ZNF559: variants seen among roughly 807,000 people sequenced by gnomAD.
ZNF559 encodes the protein putative protein product of Nbla00121.
A neutral mutation model predicts 14.2 loss-of-function variants in ZNF559; 17 were observed. The ratio of observed to expected loss-of-function variants is 1.20; its 90% confidence interval spans 0.82 to 1.80. The LOEUF (loss-of-function observed/expected upper bound fraction) is 1.80, where lower values mean the gene tolerates loss of function less well. Among genes scored for constraint, ZNF559 ranks in the 40% most tolerant of loss-of-function variants. The probability of loss-of-function intolerance (pLI) is 0.00; values close to 1 mark genes in which losing one functional copy is unlikely to be tolerated. For missense variants in ZNF559, 740 were observed against 629.7 expected, an observed-to-expected ratio of 1.18 and a Z score of -1.88; for synonymous variants, 244 against 212.4, an observed-to-expected ratio of 1.15 and a Z score of -1.29.
At position 9,343,130 on chromosome 19, in the gene ZNF559, T is replaced by C. The variant is rs2067655741; in HGVS notation, c.*62T>C. 1 of 1,548,684 alleles carries C rather than the reference T, an allele frequency of 6.5e-7. No individual in the cohort carries two copies. The highest frequency in any genetic ancestry group is 1.2e-5 in the South Asian group (1 of 80,310). ...ACTACTTCCTCACACTTACTGAACATGTACTCATTCATAGTGGCAATGTAC... is the reference window on the plus strand; with the variant it reads ...ACTACTTCCTCACACTTACTGAACACGTACTCATTCATAGTGGCAATGTAC... On this transcript the variant is annotated 3_prime_UTR_variant, in exon 7 of 7. Transcript: ENST00000603380.
In ZNF559 at chr19:9,343,141, A is replaced by G; in HGVS notation, c.*73A>G. 5.9e-6 allele frequency: 9 copies of G among 1,537,766 alleles called. No individual in the cohort carries two copies. Among genetic ancestry groups the G allele is most frequent in the Non-Finnish European group, 7.8e-6 (9 of 1,149,752 alleles). On this transcript the variant is annotated 3_prime_UTR_variant, in exon 7 of 7. Coordinates refer to ENST00000603380, the MANE Select transcript of ZNF559 (RefSeq NM_032497.3). ...ACACTTACTGAACATGTACTCATTCATAGTGGCAATGTACACAGTCATAAG... is the reference window on the plus strand; with the variant it reads ...ACACTTACTGAACATGTACTCATTCGTAGTGGCAATGTACACAGTCATAAG...
intron 2 of ZNF559, among the ~76,000 whole-genome samples, chr19:9,328,541 C>T (rs950159837): frequency 2.6e-5 from 4 of 151,508 alleles, no homozygotes; most frequent in African/African-American, 4.9e-5. Context: ...TTAGTAGAGA[C>T]GAGCTTTCAT....
chr19:9,335,689 C>T (rs1300137127), intron 2 of ZNF559, among the ~76,000 whole-genome samples: 1 of 152,124 alleles, frequency 6.6e-6, no homozygotes, highest in Non-Finnish European at 1.5e-5. Flanking sequence ...CACGTACCAC[C>T]ACACCTGGCT....
At chr19:9,332,002 AGAT>A (rs1377588361) in intron 2 of ZNF559, among the ~76,000 whole-genome samples, 3 of 152,226 alleles carry the variant, frequency 2.0e-5, no homozygotes, top group Non-Finnish European at 4.4e-5. Context: ...AAAATCACTT[AGAT>A]GAGTTATTTT....
intron 2 of ZNF559, among the ~76,000 whole-genome samples, chr19:9,334,956 A>T (rs763920080): frequency 6.6e-6 from 1 of 151,968 alleles, no homozygotes; most frequent in Non-Finnish European, 1.5e-5. Context: ...AGCATGGTGA[A>T]ACCCCTTCTC....
Position 9,342,243 on chromosome 19 carries a change from TA to T in ZNF559, c.793del (p.Arg265GlufsTer5). The T allele has an allele frequency of 6.3e-7, 1 of 1,586,814 alleles. No homozygotes were observed. The highest frequency in any genetic ancestry group is 1.2e-5 in the South Asian group (1 of 85,626). On this transcript the variant is annotated frameshift_variant, in exon 7 of 7. Transcript: ENST00000603380. LOFTEE classifies it low-confidence loss of function (END_TRUNC). ...YLTQHLRTHS[R>X]VLPIEHKKFG... Reference sequence around the variant, plus strand: ...TTACTCAACATTTAAGAACTCATAGTAGAGTGTTACCTATAGAACATAAGAA... The same window carrying T: ...TTACTCAACATTTAAGAACTCATAGTGAGTGTTACCTATAGAACATAAGAA...
chr19:9,331,687 C>T lies in ZNF559; in HGVS notation c.-119-6109C>T, dbSNP rs73506727. On this transcript the variant is annotated intron_variant, in intron 2 of 6. Transcript: ENST00000603380. ...TCTTACTGGTATAAATGCAACTGTT[C>T]TCAGTTTGTGCTCCTCTAGGGTTGC... Among the ~76,000 whole-genome samples, 194 of 152,272 alleles carry T rather than the reference C, an allele frequency of 1.3e-3. 1 individual carries two copies. Among genetic ancestry groups the T allele is most frequent in the African/African-American group, 4.4e-3 (182 of 41,542 alleles).
intron 2 of ZNF559, among the ~76,000 whole-genome samples, chr19:9,326,962 C>T (rs2066640707): frequency 6.6e-6 from 1 of 151,992 alleles, no homozygotes; most frequent in Non-Finnish European, 1.5e-5. Flanking sequence ...AATTCATTTC[C>T]TCAGTTGCAC....
chr19:9,337,291 A>G (rs1406477392), intron 2 of ZNF559, among the ~76,000 whole-genome samples: 1 of 152,216 alleles, frequency 6.6e-6, no homozygotes, highest in Admixed American at 6.5e-5. Flanking sequence ...AGCATACACA[A>G]TCTGGTCACA....
At chr19:9,341,557 A>C in intron 6 of ZNF559, 138 bp from the exon 7 acceptor site, 1 of 1,463,956 alleles carries the variant, frequency 6.8e-7, no homozygotes, top group South Asian at 1.2e-5. Flanking sequence ...CATGCCTTGC[A>C]ATGAAAATGG....
At chr19:9,332,333 G>A (rs2066979692) in intron 2 of ZNF559, among the ~76,000 whole-genome samples, 1 of 136,368 alleles carries the variant, frequency 7.3e-6, no homozygotes, top group South Asian at 2.5e-4. Context: ...ATATATAGAG[G>A]TATACATATG....
chr19:9,330,913 TTC>T (rs1216986730), intron 2 of ZNF559, among the ~76,000 whole-genome samples: 2 of 152,232 alleles, frequency 1.3e-5, no homozygotes, highest in Admixed American at 6.5e-5. Flanking sequence ...TAGTAGGTAT[TTC>T]TCTCAGTCTT....
chr19:9,324,126 G>GC, upstream of ZNF559: 1 of 1,528,696 alleles, frequency 6.5e-7, no homozygotes. Context: ...CCGAGGCCCC[G>GC]CCCCCTAGGT....
chr19:9,342,846 T>G lies in ZNF559; in HGVS notation c.1395T>G (p.Tyr465Ter), dbSNP rs80240525. Reference protein sequence around the residue: ...HKRIHTGERPYKCQKCGQAFS... With the variant: ...HKRIHTGERP ...GAATACATACAGGGGAGAGGCCATA[T>G]AAATGTCAAAAGTGTGGGCAAGCCT... Residue 465 changes from tyrosine (Y) to a stop codon, truncating the protein, a stop_gained, in exon 7 of 7, where the codon TAT becomes TAG. Transcript: ENST00000603380. LOFTEE classifies it low-confidence loss of function (END_TRUNC). 6 of 1,614,000 alleles carry G rather than the reference T, an allele frequency of 3.7e-6. No individual in the cohort carries two copies. The South Asian group carries it at 5.5e-5, about 15-fold the overall frequency.
In ZNF559 at chr19:9,343,605, C is replaced by T. The variant is rs966923437; in HGVS notation, c.*537C>T. 6.1e-6 allele frequency: 6 copies of T among 990,852 alleles called. No individual in the cohort carries two copies. The African/African-American group carries it at 7.0e-5, about 12-fold the overall frequency. The allele number at this position is 990,852 out of a possible 1,614,324, so 61.4% of individuals were successfully genotyped here. On this transcript the variant is annotated 3_prime_UTR_variant, in exon 7 of 7. Coordinates refer to ENST00000603380, the MANE Select transcript of ZNF559 (RefSeq NM_032497.3). The stretch of plus-strand genomic sequence containing the variant: ...TTGTTTTTAGCTTCCACTTTGGGAA[C>T]ATGTCAAAGCACACATTGAGAAGTC...
Position 9,341,069 on chromosome 19 carries a change from T to A in ZNF559, c.161-33T>A, listed in dbSNP as rs747965933. 18 of 1,539,794 alleles carry A rather than the reference T, an allele frequency of 1.2e-5. No homozygotes were observed. In the South Asian group the frequency reaches 2.1e-4, roughly 18 times the overall value. ...ACCCTTTTTAAAATCATTATTTCTCTAAGAACTTAAAATTTTTTTCATCTT... is the reference window on the plus strand; with the variant it reads ...ACCCTTTTTAAAATCATTATTTCTCAAAGAACTTAAAATTTTTTTCATCTT... On this transcript the variant is annotated intron_variant, in intron 5 of 6. Coordinates refer to ENST00000603380, the MANE Select transcript of ZNF559 (RefSeq NM_032497.3).
rs555454017 is a variant in ZNF559 at position 9,325,173 on chromosome 19, G to C, written c.-120+393G>C. ...GAAAGTCTTACTGAGGGCGGGGCAA[G>C]GTGGCTCACACCTGTAATCCCAGCG... On this transcript the variant is annotated intron_variant, in intron 2 of 6. Coordinates refer to ENST00000603380, the MANE Select transcript of ZNF559 (RefSeq NM_032497.3). Among the ~76,000 whole-genome samples the C allele has an allele frequency of 9.2e-5, 14 of 152,336 alleles. No individual in the cohort carries two copies. The South Asian group carries it at 2.1e-3, about 23-fold the overall frequency.
At chr19:9,330,326 G>A (rs1180075965) in intron 2 of ZNF559, 4 of 151,914 alleles carry the variant, frequency 2.6e-5, no homozygotes, top group Non-Finnish European at 5.9e-5. Flanking sequence ...CCTTGTTGGG[G>A]GCTTTGAGAT....
Position 9,324,682 on chromosome 19 carries a change from T to A in ZNF559, c.-205-13T>A. On this transcript the variant is annotated splice_polypyrimidine_tract_variant and intron_variant, in intron 1 of 6. Transcript: ENST00000603380. ...AAGTCTCCACATCCAGCGTTGTGCC[T>A]TTTCTCTATAAGGAACAGCATCTCT... 2 of 1,528,424 alleles carry A rather than the reference T, an allele frequency of 1.3e-6. No homozygotes were observed. Among genetic ancestry groups the A allele is most frequent in the Non-Finnish European group, 1.7e-6 (2 of 1,143,458 alleles). 94.7% of individuals were successfully genotyped at this position (1,528,424 alleles called of 1,614,324 possible). A position where few individuals can be genotyped will look rare whatever the true frequency, so the allele number is the denominator to read the frequency against.
Sources: allele counts gnomAD v4.1 joint callset (sites outside exome capture counted in the v4.1 genomes callset), GRCh38; gene constraint gnomAD v4.1.1; transcripts MANE v1.5; gene names NCBI Gene and HGNC (gene_info 2026-07-23, HGNC 2026-07-21).